The following FOXP2 variants were observed in gnomAD, a reference collection of about 807,000 sequenced individuals.
The protein encoded by FOXP2 is forkhead box protein P2.
In FOXP2, 12 loss-of-function variants were observed where a neutral mutation model predicts 115.8. The observed-to-expected ratio is 0.10, with a 90% CI of 0.07 to 0.17. The LOEUF (loss-of-function observed/expected upper bound fraction) is 0.17, where lower values mean the gene tolerates loss of function less well. FOXP2 is among the 10% of genes least tolerant of loss of function. The pLI, the probability that FOXP2 is intolerant of heterozygous loss-of-function variation, is 1.00. For missense variants in FOXP2, 629 were observed against 843.5 expected (o/e 0.75, Z 3.15); for synonymous variants, 328 against 297.7 (o/e 1.10, Z -1.05).
At chr7:114,191,817 G>GT (rs1291953251) in intron 1 of FOXP2, among the ~76,000 whole-genome samples, 1 of 151,942 alleles carries the variant, frequency 6.6e-6, no homozygotes, top group Non-Finnish European at 1.5e-5. Context: ...TTTTTGTGTT[G>GT]TTTTTTTCCG....
Position 114,185,758 on chromosome 7 carries a change from A to G in FOXP2, c.-102+22670A>G, listed in dbSNP as rs140738110. Among the ~76,000 whole-genome samples the G allele has an allele frequency of 2.7e-3, 407 of 152,328 alleles. 3 individuals are homozygous for G. Among genetic ancestry groups the G allele is most frequent in the African/African-American group, 9.4e-3 (389 of 41,588 alleles). On this transcript the variant is annotated intron_variant, in intron 1 of 17. Transcript: ENST00000634411. ...TTTGCCTCCAAAGGTTCCTGATAAAAATGAATCTCAAGAATTAGTTTCATT... is the reference window on the plus strand; with the variant it reads ...TTTGCCTCCAAAGGTTCCTGATAAAGATGAATCTCAAGAATTAGTTTCATT...
chr7:114,246,278 A>G (rs1158079878), intron 1 of FOXP2, among the ~76,000 whole-genome samples: 3 of 152,120 alleles, frequency 2.0e-5, no homozygotes, highest in African/African-American at 7.2e-5. Context: ...ATACTTATCT[A>G]GCTAAATCTG....
At chr7:114,275,013 A>C (rs1390008405) in intron 1 of FOXP2, among the ~76,000 whole-genome samples, 1 of 152,000 alleles carries the variant, frequency 6.6e-6, no homozygotes, top group East Asian at 1.9e-4. Context: ...ATGAGGGAGA[A>C]ATTAGATGTA....
rs575953352 is a variant in FOXP2, at chr7:114,660,160, G to A, written c.1647+487G>A. On this transcript the variant is annotated intron_variant, in intron 13 of 16. Coordinates refer to ENST00000350908, the MANE Select transcript of FOXP2 (RefSeq NM_014491.4). Reference sequence around the variant, plus strand: ...AGCTGGAACTAAAAGAAAGTAAAGTGAATATTATCCTGTCAGAACATAAAT... The same window carrying A: ...AGCTGGAACTAAAAGAAAGTAAAGTAAATATTATCCTGTCAGAACATAAAT... 4.6e-5 allele frequency among the ~76,000 whole-genome samples: 7 copies of A among 152,180 alleles called. No individual in the cohort carries two copies. The East Asian group carries it at 1.4e-3, about 29-fold the overall frequency.
chr7:114,428,422 A>C (rs1417994240), intron 2 of FOXP2, among the ~76,000 whole-genome samples: 1 of 151,526 alleles, frequency 6.6e-6, no homozygotes, highest in Non-Finnish European at 1.5e-5. Context: ...GCAGTTCATT[A>C]TGTAAACCAT....
chr7:114,524,954 T>C (rs1798792517), intron 2 of FOXP2, among the ~76,000 whole-genome samples: 1 of 152,176 alleles, frequency 6.6e-6, no homozygotes, highest in Non-Finnish European at 1.5e-5. Context: ...TATATATCCC[T>C]TCCCTTAAAG....
intron 2 of FOXP2, among the ~76,000 whole-genome samples, chr7:114,455,027 A>G (rs1795245803): frequency 6.6e-6 from 1 of 152,110 alleles, no homozygotes; most frequent in Non-Finnish European, 1.5e-5. Flanking sequence ...AATAAAAAAA[A>G]AAGAAAAAAA....
chr7:114,664,829 A>G, intron 16 of FOXP2: 1 of 232,244 alleles, frequency 4.3e-6, no homozygotes, highest in South Asian at 5.8e-5. Context: ...TAAACCATTT[A>G]TGAACTGTAG....
intron 2 of FOXP2, among the ~76,000 whole-genome samples, chr7:114,464,804 A>T (rs181696230): frequency 6.6e-6 from 1 of 152,358 alleles, no homozygotes; most frequent in Admixed American, 6.5e-5. Context: ...TATAATCAAA[A>T]GAACCAACCA....
intron 1 of FOXP2, among the ~76,000 whole-genome samples, chr7:114,265,293 C>A (rs1376547637): frequency 1.3e-5 from 2 of 152,120 alleles, no homozygotes; most frequent in African/African-American, 4.8e-5. Flanking sequence ...GAGAAATCAG[C>A]CAAAAGAAAG....
chr7:114,692,070 A>T lies in FOXP2; in HGVS notation c.*2144A>T. Reference sequence around the variant, plus strand: ...ATGATCAACGAACCGGAAGTTTACAATATGGTATTAAAAGAAAGATGGGTA... The same window carrying T: ...ATGATCAACGAACCGGAAGTTTACATTATGGTATTAAAAGAAAGATGGGTA... On this transcript the variant is annotated 3_prime_UTR_variant, in exon 17 of 17. Coordinates refer to ENST00000350908, the MANE Select transcript of FOXP2 (RefSeq NM_014491.4). 2.2e-6 allele frequency: 1 copy of T among 454,094 alleles called. No homozygotes were observed. Among genetic ancestry groups the T allele is most frequent in the South Asian group, 1.6e-5 (1 of 64,456 alleles). 28.1% of individuals were successfully genotyped at this position (454,094 alleles called of 1,614,324 possible).
At chr7:114,087,486 G>A (rs1282873605), upstream of FOXP2, among the ~76,000 whole-genome samples, 7 of 152,020 alleles carry the variant, frequency 4.6e-5, no homozygotes, top group Admixed American at 4.6e-4. Flanking sequence ...GGACGTGGGA[G>A]GAGCGCAGAC....
chr7:114,312,263 C>T (rs1797165724), intron 2 of FOXP2, among the ~76,000 whole-genome samples: 1 of 152,132 alleles, frequency 6.6e-6, no homozygotes, highest in Non-Finnish European at 1.5e-5. Context: ...CTGTCCTATT[C>T]TCAAGAAAAC....
intron 8 of FOXP2, among the ~76,000 whole-genome samples, chr7:114,648,291 G>A (rs1274924329): frequency 1.3e-5 from 2 of 151,924 alleles, no homozygotes; most frequent in African/African-American, 4.8e-5. Context: ...GAAAACTAAG[G>A]CATCTCACAT....
intron 2 of FOXP2, among the ~76,000 whole-genome samples, chr7:114,430,054 C>T (rs1794034896): frequency 6.6e-6 from 1 of 151,586 alleles, no homozygotes; most frequent in Non-Finnish European, 1.5e-5. Context: ...TGGTCTCATT[C>T]TATATTTTCA....
chr7:114,114,031 A>T (rs1791341090), intron 1 of FOXP2, among the ~76,000 whole-genome samples: 1 of 151,864 alleles, frequency 6.6e-6, no homozygotes, highest in Non-Finnish European at 1.5e-5. Flanking sequence ...TAATAGGAAA[A>T]CTCTCCAGTG....
intron 2 of FOXP2, among the ~76,000 whole-genome samples, chr7:114,447,637 C>G (rs940096021): frequency 6.6e-6 from 1 of 152,164 alleles, no homozygotes; most frequent in Non-Finnish European, 1.5e-5. Context: ...TCTCCCAGCT[C>G]CCTAACCCTC....
chr7:114,163,410 ATC>A (rs1230540594), intron 1 of FOXP2, among the ~76,000 whole-genome samples: 3 of 152,016 alleles, frequency 2.0e-5, no homozygotes, highest in Non-Finnish European at 2.9e-5. Context: ...TGCCATTATA[ATC>A]TCTTTTTGCT....
At chr7:114,455,487 TAG>T (rs1247774156) in intron 2 of FOXP2, among the ~76,000 whole-genome samples, 4 of 152,072 alleles carry the variant, frequency 2.6e-5, no homozygotes, top group Admixed American at 1.3e-4. Flanking sequence ...CAGTAAAAAA[TAG>T]AGTTTTCCAG....
Sources: gnomAD v4.1 joint callset for allele counts (sites outside exome capture counted in the v4.1 genomes callset) on GRCh38, gnomAD v4.1.1 for gene constraint, MANE v1.5 for transcripts, NCBI Gene and HGNC (gene_info 2026-07-23, HGNC 2026-07-21) for gene names.